ZBBX: variants seen among roughly 807,000 people sequenced by gnomAD.
ZBBX encodes zinc finger B-box domain-containing protein 1.
In ZBBX, 101 loss-of-function variants were observed where a neutral mutation model predicts 108.5. That is an observed-to-expected ratio of 0.93 (90% CI 0.79 to 1.10). ZBBX has a LOEUF of 1.10. ZBBX is among the 50% of genes least tolerant of loss of function. The pLI is 0.00. For missense variants in ZBBX, 1,009 were observed against 941.4 expected (o/e 1.07, Z -0.94); for synonymous variants, 356 against 323.4 (o/e 1.10, Z -1.08).
downstream of ZBBX, among the ~76,000 whole-genome samples, chr3:167,236,482 A>T (rs1461118302): frequency 2.0e-5 from 3 of 151,858 alleles, no homozygotes; most frequent in Non-Finnish European, 2.9e-5. Flanking sequence ...TTGATTTTCA[A>T]CAACGTTCCT....
At chr3:167,247,340 G>A (rs142769080) in intron 20 of ZBBX, among the ~76,000 whole-genome samples, 2 of 152,280 alleles carry the variant, frequency 1.3e-5, no homozygotes, top group East Asian at 3.9e-4. Flanking sequence ...GTTTGGCTAG[G>A]GCAGTCGGAG....
chr3:167,371,948 T>G (rs1388027915), intron 4 of ZBBX, among the ~76,000 whole-genome samples: 1 of 152,186 alleles, frequency 6.6e-6, no homozygotes, highest in African/African-American at 2.4e-5. Flanking sequence ...GTGCACTGGC[T>G]CACACTTGTA....
At chr3:167,262,502 T>C (rs1180037801) in intron 20 of ZBBX, among the ~76,000 whole-genome samples, 1 of 152,168 alleles carries the variant, frequency 6.6e-6, no homozygotes, top group Non-Finnish European at 1.5e-5. Flanking sequence ...CTGGGCTTCT[T>C]TATATTGGGA....
chr3:167,265,824 G>A (rs1725359239), intron 20 of ZBBX, among the ~76,000 whole-genome samples: 1 of 152,208 alleles, frequency 6.6e-6, no homozygotes, highest in Admixed American at 6.5e-5. Context: ...TCCATGCATG[G>A]GCACTGGCTG....
chr3:167,312,772 T>C (rs1034184065), intron 16 of ZBBX, among the ~76,000 whole-genome samples: 10 of 152,234 alleles, frequency 6.6e-5, no homozygotes, highest in African/African-American at 1.7e-4. Context: ...CTGTACTTTA[T>C]ATTTGGCCAT....
chr3:167,273,546 T>TA (rs1188017486), intron 20 of ZBBX, among the ~76,000 whole-genome samples: 1 of 152,094 alleles, frequency 6.6e-6, no homozygotes, highest in Non-Finnish European at 1.5e-5. Flanking sequence ...GGGGAGAACT[T>TA]AGTGTTCCTT....
chr3:167,300,895 C>T (rs1732541430), intron 17 of ZBBX, among the ~76,000 whole-genome samples: 1 of 149,166 alleles, frequency 6.7e-6, no homozygotes, highest in African/African-American at 2.5e-5. Context: ...GGATTACAGG[C>T]GTGAGCCACT....
At chr3:167,298,536 C>G in intron 17 of ZBBX, 78 bp from the exon 18 acceptor site, 45 of 1,083,564 alleles carry the variant, frequency 4.2e-5, no homozygotes, top group Non-Finnish European at 4.9e-5. Context: ...CAGATACCTA[C>G]TTGGTATCTG....
At chr3:167,281,023 A>G (rs1372228274) in intron 20 of ZBBX, among the ~76,000 whole-genome samples, 1 of 152,164 alleles carries the variant, frequency 6.6e-6, no homozygotes, top group East Asian at 1.9e-4. Context: ...CAAACACCAC[A>G]TATTCTCACT....
intron 1 of ZBBX, among the ~76,000 whole-genome samples, chr3:167,402,074 G>A (rs1748440907): frequency 6.6e-6 from 1 of 152,044 alleles, no homozygotes; most frequent in African/African-American, 2.4e-5. Flanking sequence ...TGAGCTATTG[G>A]CAACAGTGGA....
At chr3:167,181,960 G>C in the ZBBX span, among the ~76,000 whole-genome samples, 3 of 152,126 alleles carry the variant, frequency 2.0e-5, no homozygotes, top group Non-Finnish European at 4.4e-5. Context: ...GTGGGGGGCA[G>C]GCCTGGGACG....
At chr3:167,301,623 T>C (rs1348585551) in intron 17 of ZBBX, among the ~76,000 whole-genome samples, 1 of 152,214 alleles carries the variant, frequency 6.6e-6, no homozygotes, top group Non-Finnish European at 1.5e-5. Context: ...TTACATTCAG[T>C]TCTAAATATT....
chr3:167,371,749 C>T (rs144150352), intron 4 of ZBBX, among the ~76,000 whole-genome samples: 89 of 152,270 alleles, frequency 5.8e-4, no homozygotes, highest in African/African-American at 2.1e-3. Context: ...CCACCAAATA[C>T]ATGGTATACC....
At chr3:167,305,980 C>T (rs1259827712) in intron 16 of ZBBX, 30 bp from the exon 17 acceptor site, 1 of 1,430,266 alleles carries the variant, frequency 7.0e-7, no homozygotes, top group Non-Finnish European at 9.2e-7. Context: ...ACAAAAGGTA[C>T]ATAAATAAAT....
chr3:167,261,324 G>A (rs1724471759), intron 20 of ZBBX, among the ~76,000 whole-genome samples: 1 of 151,914 alleles, frequency 6.6e-6, no homozygotes, highest in African/African-American at 2.4e-5. Flanking sequence ...AGGAGGTGGT[G>A]CTTTCCAGAG....
the ZBBX span, among the ~76,000 whole-genome samples, chr3:167,201,444 A>C: frequency 2.0e-5 from 3 of 152,120 alleles, no homozygotes; most frequent in Non-Finnish European, 4.4e-5. Context: ...TTGAACAGTT[A>C]AAAAGTCAAA....
In ZBBX at chr3:167,240,811, C is replaced by T. The variant is rs776627423; in HGVS notation, c.2502G>A (p.Pro834=). 2.5e-5 allele frequency: 41 copies of T among 1,613,128 alleles called. No individual in the cohort carries two copies. The highest frequency in any genetic ancestry group is 1.0e-4 in the Admixed American group (6 of 59,982). The change falls in exon 22 of 22, where the codon CCG becomes CCA. Residue 834 remains proline (P), a synonymous_variant. Transcript: ENST00000675490. ...FLNKQHVITL[P]WSKST ...ATAATCTTTAAGTACTCTTTGACCACGGTAGTGTGATGACATGTTGCTTGT... is the reference window on the plus strand; with the variant it reads ...ATAATCTTTAAGTACTCTTTGACCATGGTAGTGTGATGACATGTTGCTTGT...
intron 9 of ZBBX, among the ~76,000 whole-genome samples, chr3:167,343,667 T>C (rs528929696): frequency 2.2e-4 from 34 of 151,978 alleles, no homozygotes; most frequent in Non-Finnish European, 3.4e-4. Flanking sequence ...CAAACCACGA[T>C]GTGCTACTGC....
intron 20 of ZBBX, among the ~76,000 whole-genome samples, chr3:167,264,723 C>T (rs1389748481): frequency 6.6e-6 from 1 of 152,216 alleles, no homozygotes; most frequent in Non-Finnish European, 1.5e-5. Flanking sequence ...TATACTTTCA[C>T]AGTCAACAAT....
Sources: gnomAD v4.1 joint callset for allele counts (sites outside exome capture counted in the v4.1 genomes callset) on GRCh38, gnomAD v4.1.1 for gene constraint, MANE v1.5 for transcripts, NCBI Gene and HGNC (gene_info 2026-07-23, HGNC 2026-07-21) for gene names.